LARP4: variants seen among roughly 807,000 people sequenced by gnomAD.
LARP4 encodes the protein La ribonucleoprotein 4, also known as la-related protein 4.
In LARP4, 29 loss-of-function variants were observed where a neutral mutation model predicts 92.9. That is an observed-to-expected ratio of 0.31 (90% CI 0.23 to 0.43). LARP4 has a LOEUF of 0.43. Among genes scored for constraint, LARP4 ranks in the 20% least tolerant of loss-of-function variants. The pLI is 1.00. For missense variants in LARP4, 732 were observed against 860.0 expected (o/e 0.85, Z 1.86); for synonymous variants, 279 against 284.1 (o/e 0.98, Z 0.18).
In LARP4 at chr12:50,477,649, CTTA is replaced by C. The variant is rs969519321; in HGVS notation, c.*1792_*1794del. ...CAAGCCAGAATTACTATTTCTTTGA[CTTA>C]TTATTAGCTTGGCAGTTGCTTTTGA... On this transcript the variant is annotated 3_prime_UTR_variant, in exon 16 of 16. Transcript: ENST00000398473. The C allele has an allele frequency of 6.6e-6, 1 of 152,486 alleles. No homozygotes were observed. The highest frequency in any genetic ancestry group is 1.5e-5 in the Non-Finnish European group (1 of 67,934). 9.4% of individuals were successfully genotyped at this position (152,486 alleles called of 1,614,324 possible).
chr12:50,477,940 C>T lies in LARP4; in HGVS notation c.*2076C>T, dbSNP rs751365535. On this transcript the variant is annotated 3_prime_UTR_variant, in exon 16 of 16. Coordinates refer to ENST00000398473, the MANE Select transcript of LARP4 (RefSeq NM_052879.5). Reference sequence around the variant, plus strand: ...TTTAAGTGTTAACATCCTTTGAATGCGTTGGATTTCAGAGAATAAACATTT... The same window carrying T: ...TTTAAGTGTTAACATCCTTTGAATGTGTTGGATTTCAGAGAATAAACATTT... The T allele has an allele frequency of 6.6e-6, 1 of 152,446 alleles. No individual in the cohort carries two copies. The highest frequency in any genetic ancestry group is 1.5e-5 in the Non-Finnish European group (1 of 67,928). The allele number at this position is 152,446 out of a possible 1,614,324, so 9.4% of individuals were successfully genotyped here.
chr12:50,466,927 A>G (rs1338091314), intron 12 of LARP4, 32 bp from the exon 13 acceptor site: 2 of 1,589,616 alleles, frequency 1.3e-6, no homozygotes, highest in African/African-American at 2.7e-5. Context: ...TGAGATAGCC[A>G]TGTGACCTGT....
chr12:50,474,021 C>G lies in LARP4; in HGVS notation c.1690C>G (p.Leu564Val). The change falls in exon 15 of 16, where the codon CTA (leucine) becomes GTA (valine). Residue 564 changes from leucine to valine, a missense_variant. Transcript: ENST00000398473. ...TAGCACAACTCAGCAAGAAAAGGAT[C>G]TAATAGAAGATTCCTCTGTTCAGAA... Reference protein sequence around the residue: ...ALSTTQQEKDLIEDSSVQKDG... With the variant: ...ALSTTQQEKDVIEDSSVQKDG... 1 of 1,611,774 alleles carries G rather than the reference C, an allele frequency of 6.2e-7. No homozygotes were observed. The highest frequency in any genetic ancestry group is 8.5e-7 in the Non-Finnish European group (1 of 1,179,822).
At chr12:50,433,181 G>A (rs1041381673) in intron 4 of LARP4, among the ~76,000 whole-genome samples, 10 of 151,752 alleles carry the variant, frequency 6.6e-5, no homozygotes, top group Non-Finnish European at 1.3e-4. Context: ...ATCTGCAAAT[G>A]CTCTCAGGAA....
At chr12:50,419,119 G>C (rs1592863614) in intron 1 of LARP4, among the ~76,000 whole-genome samples, 1 of 152,188 alleles carries the variant, frequency 6.6e-6, no homozygotes. Context: ...CCAGCACTTT[G>C]GGAGGCTGAT....
At position 50,457,505 on chromosome 12, in the gene LARP4, C is replaced by T. The variant is rs149445102; in HGVS notation, c.1121+3088C>T. On this transcript the variant is annotated intron_variant, in intron 10 of 15. Coordinates refer to ENST00000398473, the MANE Select transcript of LARP4 (RefSeq NM_052879.5). ...TATAGGTGTGAGCCACCGCATCTGG[C>T]CTAACTATTTTTAAAATTACTTTTT... 9.8e-3 allele frequency among the ~76,000 whole-genome samples: 1,495 copies of T among 152,194 alleles called. 30 individuals carry two copies. Among genetic ancestry groups the T allele is most frequent in the African/African-American group, 0.034 (1,417 of 41,530 alleles).
intron 12 of LARP4, among the ~76,000 whole-genome samples, chr12:50,464,242 C>G (rs1405489003): frequency 3.3e-5 from 5 of 152,214 alleles, no homozygotes; most frequent in African/African-American, 1.2e-4. Flanking sequence ...AAGCATGATG[C>G]AGGCATCTGC....
intron 1 of LARP4, chr12:50,402,608 C>T (rs983622574): frequency 1.9e-5 from 5 of 264,520 alleles, no homozygotes; most frequent in Non-Finnish European, 3.8e-5. Flanking sequence ...GTTTTAATAA[C>T]AGCTCCATTT....
At chr12:50,474,440 C>T (rs567632877) in intron 15 of LARP4, among the ~76,000 whole-genome samples, 11 of 152,180 alleles carry the variant, frequency 7.2e-5, no homozygotes, top group Non-Finnish European at 1.6e-4. Context: ...CTCCGCCTCC[C>T]GGGTTCACGC....
intron 11 of LARP4, 143 bp downstream of exon 11, chr12:50,461,490 T>G (rs1159484331): frequency 1.1e-6 from 1 of 886,198 alleles, no homozygotes; most frequent in African/African-American, 1.6e-5. Flanking sequence ...TTTCAGAACA[T>G]GAGTTGGTTG....
rs375085930 is a variant in LARP4, at chr12:50,475,879, A to G, written c.*15A>G. 1 of 1,601,658 alleles carries G rather than the reference A, an allele frequency of 6.2e-7. No homozygotes were observed. The highest frequency in any genetic ancestry group is 1.7e-5 in the Admixed American group (1 of 59,192). On this transcript the variant is annotated 3_prime_UTR_variant, in exon 16 of 16. Coordinates refer to ENST00000398473, the MANE Select transcript of LARP4 (RefSeq NM_052879.5). ...CACCAAAGTAAAAAACAACAAAACT[A>G]TTCAAAAACTTCACTCTCTTCCCAT...
chr12:50,462,489 A>AT, intron 11 of LARP4, 93 bp from the exon 12 acceptor site: 1 of 809,850 alleles, frequency 1.2e-6, no homozygotes, highest in Non-Finnish European at 1.9e-6. Flanking sequence ...AAAAAAAAAA[A>AT]ATGTGTACGG....
intron 8 of LARP4, among the ~76,000 whole-genome samples, chr12:50,445,814 T>C (rs1260160011): frequency 6.6e-6 from 1 of 152,162 alleles, no homozygotes; most frequent in Non-Finnish European, 1.5e-5. Context: ...TTAATTTCAA[T>C]TTATTAGAAA....
chr12:50,409,654 G>A (rs1212522036), intron 1 of LARP4, among the ~76,000 whole-genome samples: 1 of 151,920 alleles, frequency 6.6e-6, no homozygotes, highest in Admixed American at 6.6e-5. Flanking sequence ...GTAAGGGGCT[G>A]CATAGAGGGC....
At chr12:50,449,852 T>C (rs1486044227) in intron 8 of LARP4, among the ~76,000 whole-genome samples, 2 of 151,356 alleles carry the variant, frequency 1.3e-5, no homozygotes, top group African/African-American at 4.8e-5. Flanking sequence ...ATATTTGGGG[T>C]GTTTACTGTT....
At chr12:50,473,814 T>TGGGGGGGGTGGGGGGTGC (rs1957220686) in intron 14 of LARP4, among the ~76,000 whole-genome samples, 185 bp from the exon 15 acceptor site, 1 of 8,708 alleles carries the variant, frequency 1.1e-4, no homozygotes, top group Non-Finnish European at 3.1e-4. Flanking sequence ...GGTGGGGGGG[T>TGGGGGGGGTGGGGGGTGC]GGGGGGGGTG....
rs1398987069 is a variant in LARP4, at chr12:50,454,212, G to A, written c.1018-102G>A. 16 of 727,556 alleles carry A rather than the reference G, an allele frequency of 2.2e-5. No individual in the cohort carries two copies. The Admixed American group carries it at 3.8e-4, about 17-fold the overall frequency. The allele number at this position is 727,556 out of a possible 1,614,324, so 45.1% of individuals were successfully genotyped here. A position where few individuals can be genotyped will look rare whatever the true frequency, so the allele number is the denominator to read the frequency against. On this transcript the variant is annotated intron_variant, in intron 9 of 15. Transcript: ENST00000398473. ...AGTAAAATATTTTAAGATATTTTTG[G>A]CTTGTAAAAGATAAATTCATAAGCT...
chr12:50,461,497 G>A (rs1362599208), intron 11 of LARP4, 150 bp downstream of exon 11: 2 of 856,950 alleles, frequency 2.3e-6, no homozygotes, highest in African/African-American at 1.6e-5. Context: ...ACATGAGTTG[G>A]TTGCTTTTTA....
chr12:50,467,530 T>C (rs1956307433), intron 13 of LARP4, among the ~76,000 whole-genome samples: 1 of 152,178 alleles, frequency 6.6e-6, no homozygotes, highest in Admixed American at 6.6e-5. Context: ...CTCCAGCTCC[T>C]GACCTCAAGC....
Sources: gnomAD v4.1 joint callset for allele counts (sites outside exome capture counted in the v4.1 genomes callset) on GRCh38, gnomAD v4.1.1 for gene constraint, MANE v1.5 for transcripts, NCBI Gene and HGNC (gene_info 2026-07-23, HGNC 2026-07-21) for gene names.